The following PLSCR1 variants were observed in gnomAD, a reference collection of about 807,000 sequenced individuals.
The protein encoded by PLSCR1 is PL scramblase 1.
In PLSCR1, 17 loss-of-function variants were observed where a neutral mutation model predicts 37.8. The ratio of observed to expected loss-of-function variants is 0.45; its 90% CI spans 0.31 to 0.68. PLSCR1 has a LOEUF of 0.68. PLSCR1 is among the 30% of genes least tolerant of loss of function. The probability of loss-of-function intolerance (pLI) is 0.06; values close to 1 mark genes in which losing one functional copy is unlikely to be tolerated. For missense variants in PLSCR1, 347 were observed against 380.9 expected (o/e 0.91, Z 0.74); for synonymous variants, 116 against 125.9 (o/e 0.92, Z 0.53).
rs1482159963 is a variant in PLSCR1 at position 146,515,579 on chromosome 3, T to C, written c.*466A>G. 6.6e-6 allele frequency: 1 copy of C among 152,140 alleles called. No individual in the cohort carries two copies. Among genetic ancestry groups the C allele is most frequent in the Non-Finnish European group, 1.5e-5 (1 of 68,046 alleles). 9.4% of individuals were successfully genotyped at this position (152,140 alleles called of 1,614,324 possible). ...AACATTTAACTTTTTAAAGATAATA[T>C]GCATATTGAATATTATTTGAACATA... On this transcript the variant is annotated 3_prime_UTR_variant, in exon 9 of 9. Transcript: ENST00000342435.
intron 2 of PLSCR1, among the ~76,000 whole-genome samples, chr3:146,536,254 G>A (rs1055797666): frequency 1.3e-5 from 2 of 152,102 alleles, no homozygotes; most frequent in African/African-American, 2.4e-5. Flanking sequence ...AGAGAATATT[G>A]TTGTGGTTTA....
intron 8 of PLSCR1, chr3:146,516,776 A>G (rs2043952354): frequency 2.7e-6 from 1 of 371,306 alleles, no homozygotes; most frequent in African/African-American, 2.1e-5. Context: ...ACATCTCCTT[A>G]GTCCCCCTCT....
At chr3:146,520,252 C>A (rs976167230) in intron 7 of PLSCR1, 1 of 151,954 alleles carries the variant, frequency 6.6e-6, no homozygotes, top group African/African-American at 2.4e-5. Context: ...AGAAAGACTG[C>A]CAGATGAAAC....
intron 5 of PLSCR1, among the ~76,000 whole-genome samples, chr3:146,525,195 T>C (rs1212101892): frequency 3.3e-5 from 5 of 152,202 alleles, no homozygotes; most frequent in Non-Finnish European, 7.3e-5. Context: ...AGAGAAACTG[T>C]GGGCACAAAT....
intron 5 of PLSCR1, among the ~76,000 whole-genome samples, chr3:146,522,721 C>T (rs116534851): frequency 0.011 from 1,616 of 152,180 alleles, 33 homozygotes; most frequent in African/African-American, 0.037. Context: ...GAGGAAGGAA[C>T]GCGTCTTTGC....
rs564017567 is a variant in PLSCR1, at chr3:146,515,722, T to C, written c.*323A>G. On this transcript the variant is annotated 3_prime_UTR_variant, in exon 9 of 9. Coordinates refer to ENST00000342435, the MANE Select transcript of PLSCR1 (RefSeq NM_021105.3). Reference sequence around the variant, plus strand: ...TTAATAGGACAAGATATAATTTATATAAAAATTAATAAGGCCTTAGTTAAT... The same window carrying C: ...TTAATAGGACAAGATATAATTTATACAAAAATTAATAAGGCCTTAGTTAAT... The C allele has an allele frequency of 1.6e-4, 29 of 182,122 alleles. 1 individual carries two copies. In the South Asian group the frequency reaches 5.4e-3, roughly 34 times the overall value. The allele number at this position is 182,122 out of a possible 1,614,324, so 11.3% of individuals were successfully genotyped here.
intron 3 of PLSCR1, among the ~76,000 whole-genome samples, chr3:146,531,779 G>C (rs1216115574): frequency 6.6e-6 from 1 of 152,116 alleles, no homozygotes; most frequent in Non-Finnish European, 1.5e-5. Flanking sequence ...GAACTCTGAG[G>C]CTTTGAGGTA....
intron 4 of PLSCR1, chr3:146,528,144 T>A (rs1436451080): frequency 6.6e-6 from 1 of 152,646 alleles, no homozygotes; most frequent in African/African-American, 2.4e-5. Flanking sequence ...TATAAGGCAA[T>A]TATTCAGTAT....
intron 2 of PLSCR1, among the ~76,000 whole-genome samples, chr3:146,534,718 A>C (rs186841649): frequency 1.1e-4 from 16 of 152,228 alleles, no homozygotes; most frequent in Admixed American, 9.8e-4. Flanking sequence ...TCTACTAAAA[A>C]TACAAAAATT....
At position 146,533,501 on chromosome 3, in the gene PLSCR1, A is replaced by G; in HGVS notation, c.63T>C (p.Tyr21=). 2 of 1,607,286 alleles carry G rather than the reference A, an allele frequency of 1.2e-6. No individual in the cohort carries two copies. Among genetic ancestry groups the G allele is most frequent in the Non-Finnish European group, 1.7e-6 (2 of 1,175,022 alleles). ...ATGCTGTCGGTGGATACTGAGGAGG[A>G]TACCCAACTGGCAAGTTTGTTTCCG... The part of the protein sequence containing the change: ...SHPETNLPVG[Y]PPQYPPTAFQ... Residue 21 remains tyrosine (Y), a synonymous_variant, in exon 3 of 9, where the codon TAT becomes TAC. Transcript: ENST00000342435.
chr3:146,525,055 T>C (rs2044088251), intron 5 of PLSCR1, among the ~76,000 whole-genome samples: 1 of 152,220 alleles, frequency 6.6e-6, no homozygotes, highest in Admixed American at 6.5e-5. Context: ...TGTCAGGCCA[T>C]TCAGCAGGAG....
chr3:146,543,713 A>C (rs1166402293), intron 1 of PLSCR1, among the ~76,000 whole-genome samples: 11 of 152,244 alleles, frequency 7.2e-5, no homozygotes, highest in Admixed American at 7.2e-4. Context: ...TTCACTGAGT[A>C]CTTTCTGTAG....
At chr3:146,543,952 A>G (rs1216628611) in intron 1 of PLSCR1, among the ~76,000 whole-genome samples, 1 of 150,318 alleles carries the variant, frequency 6.7e-6, no homozygotes, top group Non-Finnish European at 1.5e-5. Context: ...CTGGTATTGT[A>G]GAGGGCCTAG....
chr3:146,542,564 A>G (rs2043891764), intron 1 of PLSCR1, among the ~76,000 whole-genome samples: 1 of 152,190 alleles, frequency 6.6e-6, no homozygotes, highest in South Asian at 2.1e-4. Flanking sequence ...TCCTTTATAA[A>G]TTACCAAGTC....
At chr3:146,524,682 G>A (rs1005009523) in intron 5 of PLSCR1, among the ~76,000 whole-genome samples, 1 of 151,838 alleles carries the variant, frequency 6.6e-6, no homozygotes, top group Admixed American at 6.6e-5. Flanking sequence ...TCCAGAGAAA[G>A]CTTTGTTTAG....
intron 2 of PLSCR1, among the ~76,000 whole-genome samples, chr3:146,533,883 C>T (rs138977928): frequency 2.6e-5 from 4 of 151,456 alleles, no homozygotes; most frequent in African/African-American, 4.9e-5. Flanking sequence ...ATACAGACTA[C>T]GAAGAAAGAG....
At chr3:146,540,524 T>C (rs1024970976) in intron 1 of PLSCR1, among the ~76,000 whole-genome samples, 1 of 152,270 alleles carries the variant, frequency 6.6e-6, no homozygotes, top group Non-Finnish European at 1.5e-5. Flanking sequence ...AAAGTATTAC[T>C]GTAAAATCTG....
At chr3:146,544,014 G>C (rs185949094) in intron 1 of PLSCR1, among the ~76,000 whole-genome samples, 1 of 152,268 alleles carries the variant, frequency 6.6e-6, no homozygotes, top group Non-Finnish European at 1.5e-5. Context: ...ATAAATGACA[G>C]CTTGCAGGCT....
At chr3:146,524,769 T>C (rs2044082926) in intron 5 of PLSCR1, among the ~76,000 whole-genome samples, 1 of 152,206 alleles carries the variant, frequency 6.6e-6, no homozygotes, top group Non-Finnish European at 1.5e-5. Flanking sequence ...TAGATGACAA[T>C]TGTATATTTT....
Sources: gnomAD v4.1 joint callset for allele counts (sites outside exome capture counted in the v4.1 genomes callset) on GRCh38, gnomAD v4.1.1 for gene constraint, MANE v1.5 for transcripts, NCBI Gene and HGNC (gene_info 2026-07-23, HGNC 2026-07-21) for gene names.